MYO5B: variants seen among roughly 807,000 people sequenced by gnomAD.
MYO5B encodes the protein myosin VB.
A neutral mutation model predicts 229.3 loss-of-function variants in MYO5B; 143 were observed. The ratio of observed to expected loss-of-function variants is 0.62; its 90% CI spans 0.54 to 0.72. The LOEUF is 0.72. Among genes scored for constraint, MYO5B ranks in the 30% least tolerant of loss-of-function variants. MYO5B has a pLI of 0.00. For missense variants in MYO5B, 2,321 were observed against 2,331.0 expected (o/e 1.00, Z 0.09); for synonymous variants, 918 against 885.2 (o/e 1.04, Z -0.66).
intron 35 of MYO5B, chr18:49,840,170 T>C (rs1347738610): frequency 6.6e-6 from 1 of 152,290 alleles, no homozygotes; most frequent in African/African-American, 2.4e-5. Flanking sequence ...TTCTAGGTCC[T>C]GCCCTAGCCT....
chr18:49,919,574 G>A (rs2025052623), intron 17 of MYO5B, among the ~76,000 whole-genome samples: 1 of 152,140 alleles, frequency 6.6e-6, no homozygotes, highest in African/African-American at 2.4e-5. Context: ...CATGAAAGAT[G>A]CTCAACATCA....
chr18:50,102,726 A>C (rs1345602213), intron 1 of MYO5B, among the ~76,000 whole-genome samples: 1 of 143,018 alleles, frequency 7.0e-6, no homozygotes, highest in East Asian at 2.1e-4. Context: ...CCTCAGAACC[A>C]ATGAATTAAA....
chr18:50,109,862 G>T (rs979996942), intron 1 of MYO5B, among the ~76,000 whole-genome samples: 3 of 152,068 alleles, frequency 2.0e-5, no homozygotes, highest in Admixed American at 6.6e-5. Flanking sequence ...CCCAAAGCAG[G>T]CCTAAAGCCA....
intron 1 of MYO5B, among the ~76,000 whole-genome samples, chr18:50,124,551 C>A (rs2032125905): frequency 6.6e-6 from 1 of 151,782 alleles, no homozygotes; most frequent in Non-Finnish European, 1.5e-5. Flanking sequence ...AAAACAACAA[C>A]AACAAAAAAC....
intron 14 of MYO5B, among the ~76,000 whole-genome samples, chr18:49,951,157 G>C (rs2144240334): frequency 6.6e-6 from 1 of 152,302 alleles, no homozygotes; most frequent in African/African-American, 2.4e-5. Context: ...ATGACTCCAG[G>C]TGGAAGGGAC....
In MYO5B at chr18:49,904,663, G is replaced by T; in HGVS notation, c.2571+9C>A. The T allele has an allele frequency of 1.9e-6, 3 of 1,613,654 alleles. No homozygotes were observed. The highest frequency in any genetic ancestry group is 1.3e-5 in the African/African-American group (1 of 75,054). ...CTGCAGCCCTGAGGCCCTCAGAGTG[G>T]CTACTCACCTGGCGGTAGGTTCTCC... On this transcript the variant is annotated intron_variant, in intron 20 of 39. Transcript: ENST00000285039.
At chr18:49,993,000 C>T (rs1376144663) in intron 5 of MYO5B, among the ~76,000 whole-genome samples, 1 of 152,152 alleles carries the variant, frequency 6.6e-6, no homozygotes, top group Non-Finnish European at 1.5e-5. Context: ...AATTGACACT[C>T]CTTCCCACCT....
intron 17 of MYO5B, among the ~76,000 whole-genome samples, chr18:49,913,890 A>G (rs2024984627): frequency 6.6e-6 from 1 of 152,004 alleles, no homozygotes; most frequent in Admixed American, 6.6e-5. Flanking sequence ...CACTGAGAGG[A>G]GTTCACCTGG....
chr18:50,105,506 C>T (rs2031741515), intron 1 of MYO5B, among the ~76,000 whole-genome samples: 1 of 152,182 alleles, frequency 6.6e-6, no homozygotes, highest in African/African-American at 2.4e-5. Flanking sequence ...ACGACAGTCT[C>T]CTTAAGTTCC....
intron 1 of MYO5B, among the ~76,000 whole-genome samples, chr18:50,087,397 C>T (rs968425172): frequency 9.2e-5 from 14 of 151,700 alleles, no homozygotes; most frequent in Admixed American, 6.6e-4. Flanking sequence ...GGTGAAACCC[C>T]GTCTCTACTA....
intron 1 of MYO5B, among the ~76,000 whole-genome samples, chr18:50,125,917 A>G (rs1028808766): frequency 2.0e-5 from 3 of 152,232 alleles, no homozygotes; most frequent in African/African-American, 7.2e-5. Context: ...ACAAGACTGT[A>G]TGACTCCACT....
Position 49,992,371 on chromosome 18 carries a change from G to A in MYO5B, c.673C>T (p.Gln225Ter). ...TGGTACCTTTTGTCAAAGCCAATCT[G>A]GATGTACTTGCCAAAACGGCTGCTG... Reference protein sequence around the residue: ...DNSSRFGKYIQIGFDKRYHII... With the variant: ...DNSSRFGKYI The change falls in exon 6 of 40, where the codon CAG becomes TAG. Residue 225 changes from glutamine (Q) to a stop codon, truncating the protein, a stop_gained. Transcript: ENST00000285039. LOFTEE classifies it high-confidence loss of function. 6.2e-7 allele frequency: 1 copy of A among 1,614,140 alleles called. No homozygotes were observed. Among genetic ancestry groups the A allele is most frequent in the Non-Finnish European group, 8.5e-7 (1 of 1,180,018 alleles).
chr18:49,929,105 A>G (rs1288712069), intron 17 of MYO5B, among the ~76,000 whole-genome samples: 1 of 152,200 alleles, frequency 6.6e-6, no homozygotes, highest in Non-Finnish European at 1.5e-5. Flanking sequence ...GTTCCCCCAA[A>G]AAACCTACTG....
At chr18:50,022,511 T>G (rs953586084) in intron 4 of MYO5B, among the ~76,000 whole-genome samples, 2 of 152,222 alleles carry the variant, frequency 1.3e-5, no homozygotes, top group Admixed American at 1.3e-4. Context: ...ATTATTATAG[T>G]AAGAAGGCAA....
intron 4 of MYO5B, among the ~76,000 whole-genome samples, chr18:50,029,162 C>G (rs2026362673): frequency 6.6e-6 from 1 of 152,130 alleles, no homozygotes; most frequent in Admixed American, 6.5e-5. Context: ...AACAATAATA[C>G]CATCTAAGGA....
chr18:50,040,073 T>G lies in MYO5B; in HGVS notation c.310+70A>C, dbSNP rs1003019559. 2.0e-6 allele frequency: 3 copies of G among 1,513,104 alleles called. No individual in the cohort carries two copies. The African/African-American group carries it at 4.1e-5, about 21-fold the overall frequency. The allele number at this position is 1,513,104 out of a possible 1,614,324, so 93.7% of individuals were successfully genotyped here. ...GAGTGAAATGAGGACTCCTAAGCAT[T>G]TGAGTTGAGCAAGTCTAAAGCTGGT... On this transcript the variant is annotated intron_variant, in intron 3 of 39. Coordinates refer to ENST00000285039, the MANE Select transcript of MYO5B (RefSeq NM_001080467.3).
intron 12 of MYO5B, among the ~76,000 whole-genome samples, chr18:49,961,004 G>A (rs1159313816): frequency 6.6e-6 from 1 of 152,240 alleles, no homozygotes; most frequent in East Asian, 1.9e-4. Context: ...AGCTTCGGGG[G>A]TATGGAGCTG....
chr18:50,124,274 CTG>C (rs1023770556), intron 1 of MYO5B, among the ~76,000 whole-genome samples: 13 of 152,322 alleles, frequency 8.5e-5, no homozygotes, highest in African/African-American at 1.9e-4. Context: ...CGTTATAAAA[CTG>C]TGAGATTCTT....
At chr18:50,098,681 A>G (rs777520486) in intron 1 of MYO5B, 3 of 152,264 alleles carry the variant, frequency 2.0e-5, no homozygotes, top group Non-Finnish European at 4.4e-5. Context: ...ATGAAATAAC[A>G]TAGATAACAT....
Sources: gnomAD v4.1 joint callset for allele counts (sites outside exome capture counted in the v4.1 genomes callset) on GRCh38, gnomAD v4.1.1 for gene constraint, MANE v1.5 for transcripts, NCBI Gene and HGNC (gene_info 2026-07-23, HGNC 2026-07-21) for gene names.